KCNG2: variants seen among roughly 807,000 people sequenced by gnomAD.
KCNG2 encodes the protein voltage-gated potassium channel regulatory subunit KCNG2.
A neutral mutation model predicts 12.3 loss-of-function variants in KCNG2; 7 were observed. The observed-to-expected ratio is 0.57, with a 90% CI of 0.32 to 1.07. The LOEUF is 1.07. Among genes scored for constraint, KCNG2 ranks in the 50% least tolerant of loss-of-function variants. The pLI is 0.04. For missense variants in KCNG2, 703 were observed against 726.0 expected (o/e 0.97, Z 0.36); for synonymous variants, 414 against 351.4 (o/e 1.18, Z -1.99).
chr18:79,872,193 C>T (rs112539631), intron 3 of KCNG2, among the ~76,000 whole-genome samples: 1,358 of 108,262 alleles, frequency 0.013, 27 homozygotes, highest in African/African-American at 0.04. Context: ...GGGAAAACAT[C>T]GAAGATTTGT....
chr18:79,850,046 G>T (rs1477781878), intron 1 of KCNG2, among the ~76,000 whole-genome samples: 1 of 152,146 alleles, frequency 6.6e-6, no homozygotes, highest in Non-Finnish European at 1.5e-5. Context: ...CGCTGGTCCT[G>T]GCTCTCCTGA....
At position 79,899,429 on chromosome 18, in the gene KCNG2, A is replaced by G. The variant is rs372438355; in HGVS notation, c.1014A>G (p.Pro338=). The G allele has an allele frequency of 1.9e-6, 3 of 1,593,182 alleles. No homozygotes were observed. In the African/African-American group the frequency reaches 4.1e-5, roughly 22 times the overall value. The stretch of plus-strand genomic sequence containing the variant: ...GCGTGGCCATGGCGCTCTTCGCGCC[A>G]CTGGTGCACCTGGCCGAGCGCGAGC... The part of the protein sequence containing the change: ...FLCVAMALFA[P]LVHLAERELG... The change falls in exon 4 of 4, where the codon CCA becomes CCG. Residue 338 remains proline (P), a synonymous_variant. Transcript: ENST00000316249.
intron 1 of KCNG2, among the ~76,000 whole-genome samples, chr18:79,850,960 G>T (rs1978795344): frequency 6.6e-6 from 1 of 152,192 alleles, no homozygotes; most frequent in Non-Finnish European, 1.5e-5. Context: ...CATCCGTGGA[G>T]TCTTCGTGTT....
chr18:79,876,378 C>T (rs1461896942), intron 3 of KCNG2: 1 of 152,464 alleles, frequency 6.6e-6, no homozygotes, highest in Non-Finnish European at 1.5e-5. Context: ...CTTGGTGGGG[C>T]TGGGCTGGGT....
chr18:79,840,846 A>T (rs192405864), intron 1 of KCNG2, among the ~76,000 whole-genome samples: 2 of 152,352 alleles, frequency 1.3e-5, no homozygotes, highest in African/African-American at 2.4e-5. Flanking sequence ...AAGTAAATAT[A>T]ACCTTTTCAA....
At chr18:79,824,003 C>A (rs1568246326) in intron 1 of KCNG2, among the ~76,000 whole-genome samples, 1 of 152,088 alleles carries the variant, frequency 6.6e-6, no homozygotes, top group African/African-American at 2.4e-5. Flanking sequence ...TTTCTTTCAT[C>A]AATTTAATTT....
chr18:79,809,187 T>C (rs368882763), intron 1 of KCNG2, among the ~76,000 whole-genome samples: 22 of 17,968 alleles, frequency 1.2e-3, no homozygotes, highest in South Asian at 0.014. Context: ...CTCCACGTTA[T>C]GGGCCCAGAG....
chr18:79,890,687 G>A (rs533755087), intron 3 of KCNG2, among the ~76,000 whole-genome samples: 5 of 152,350 alleles, frequency 3.3e-5, no homozygotes, highest in African/African-American at 1.2e-4. Flanking sequence ...GCTGGATTCA[G>A]TGAAGCATCT....
At chr18:79,872,286 T>TTTTTTGTTG (rs1979872034) in intron 3 of KCNG2, among the ~76,000 whole-genome samples, 1 of 100,520 alleles carries the variant, frequency 9.9e-6, no homozygotes, top group African/African-American at 3.1e-5. Flanking sequence ...TTCAGTTTTT[T>TTTTTTGTTG]TTTTTTTTTT....
chr18:79,826,285 G>A (rs1432834690), intron 1 of KCNG2, among the ~76,000 whole-genome samples: 3 of 152,256 alleles, frequency 2.0e-5, no homozygotes, highest in Non-Finnish European at 4.4e-5. Context: ...TTCTGAGGCA[G>A]GCAGAGCTGC....
At position 79,856,460 on chromosome 18, in the gene KCNG2, C is replaced by T. The variant is rs1979013079; in HGVS notation, c.-41+8C>T. ...GTACCTTCACAGAGCCAGGTAAACC[C>T]AGAACCTGCCAGAAGGGCAAGAAAC... On this transcript the variant is annotated splice_region_variant and intron_variant, in intron 2 of 3. Transcript: ENST00000316249. Among the ~76,000 whole-genome samples, 1 of 152,210 alleles carries T rather than the reference C, an allele frequency of 6.6e-6. No homozygotes were observed. Among genetic ancestry groups the T allele is most frequent in the South Asian group, 2.1e-4 (1 of 4,830 alleles).
At chr18:79,849,305 G>A (rs764397944) in intron 1 of KCNG2, among the ~76,000 whole-genome samples, 1 of 152,192 alleles carries the variant, frequency 6.6e-6, no homozygotes. Flanking sequence ...AGGCGCAGGC[G>A]ACGTCCCGGG....
intron 3 of KCNG2, among the ~76,000 whole-genome samples, chr18:79,868,555 A>G (rs998043856): frequency 6.6e-6 from 1 of 152,234 alleles, no homozygotes; most frequent in Non-Finnish European, 1.5e-5. Context: ...CTGTCCTAAG[A>G]GAATATTTCA....
intron 3 of KCNG2, among the ~76,000 whole-genome samples, chr18:79,879,117 C>T (rs1459916049): frequency 6.6e-6 from 1 of 152,214 alleles, no homozygotes; most frequent in Non-Finnish European, 1.5e-5. Context: ...GGAGAACCTG[C>T]CCATAGACCC....
chr18:79,858,455 T>C (rs1979099531), intron 2 of KCNG2, among the ~76,000 whole-genome samples: 1 of 152,262 alleles, frequency 6.6e-6, no homozygotes, highest in Non-Finnish European at 1.5e-5. Flanking sequence ...CATATTTTGC[T>C]TCTCCGTTTA....
At chr18:79,878,810 G>A (rs942524821) in intron 3 of KCNG2, among the ~76,000 whole-genome samples, 1 of 152,246 alleles carries the variant, frequency 6.6e-6, no homozygotes, top group Admixed American at 6.5e-5. Flanking sequence ...ACCGATGGGC[G>A]CTTTCCGCAC....
intron 3 of KCNG2, among the ~76,000 whole-genome samples, chr18:79,866,730 CTGGG>C (rs1979583519): frequency 3.3e-5 from 2 of 59,950 alleles, no homozygotes; most frequent in African/African-American, 4.8e-5. Flanking sequence ...GCTGAGAGGT[CTGGG>C]TACTGTGGTC....
At chr18:79,871,605 G>A (rs1025859405) in intron 3 of KCNG2, among the ~76,000 whole-genome samples, 1 of 152,192 alleles carries the variant, frequency 6.6e-6, no homozygotes, top group Admixed American at 6.5e-5. Context: ...AGCAAGTCGA[G>A]TGGGCGGTGC....
intron 1 of KCNG2, among the ~76,000 whole-genome samples, chr18:79,854,432 G>A (rs1978935169): frequency 6.6e-6 from 1 of 152,134 alleles, no homozygotes; most frequent in Non-Finnish European, 1.5e-5. Flanking sequence ...GGGCCCAGGG[G>A]TGCACGATTC....
Sources: gnomAD v4.1 joint callset for allele counts (sites outside exome capture counted in the v4.1 genomes callset) on GRCh38, gnomAD v4.1.1 for gene constraint, MANE v1.5 for transcripts, NCBI Gene and HGNC (gene_info 2026-07-23, HGNC 2026-07-21) for gene names.